Variants in RHEX observed in about 807,000 individuals in gnomAD.
RHEX encodes regulator of hemoglobinization and erythroid cell expansion, also known as regulator of hemoglobinization and erythroid cell expansion protein.
In RHEX, 18 loss-of-function variants were observed where a neutral mutation model predicts 20.1. The observed-to-expected ratio is 0.90, with a 90% CI of 0.62 to 1.33. RHEX has a LOEUF of 1.33. Among genes scored for constraint, RHEX ranks in the 40% most tolerant of loss-of-function variants. The pLI, the probability that RHEX is intolerant of heterozygous loss-of-function variation, is 0.00. For missense variants in RHEX, 192 were observed against 214.3 expected, an observed-to-expected ratio of 0.90 and a Z score of 0.65; for synonymous variants, 87 against 77.1, an observed-to-expected ratio of 1.13 and a Z score of -0.67.
At chr1:206,084,285 T>C (rs782267034) in intron 1 of RHEX, among the ~76,000 whole-genome samples, 48 of 152,280 alleles carry the variant, frequency 3.2e-4, no homozygotes, top group South Asian at 2.1e-4. Context: ...TGCCAGCATC[T>C]GGACAAGGAA....
rs557461739 is a variant in RHEX, at chr1:206,092,871, A to G, written c.-96-4862A>G. 2.0e-5 allele frequency among the ~76,000 whole-genome samples: 3 copies of G among 152,336 alleles called. No homozygotes were observed. In the East Asian group the frequency reaches 5.8e-4, roughly 29 times the overall value. The stretch of plus-strand genomic sequence containing the variant: ...GCTGAATGTTACAAAATGGAAATAA[A>G]GATTTTTTTATTTTTAAATTTTCCA... On this transcript the variant is annotated intron_variant, in intron 1 of 5. Transcript: ENST00000331555.
chr1:206,088,124 T>C (rs1662873390), intron 1 of RHEX, among the ~76,000 whole-genome samples: 2 of 152,050 alleles, frequency 1.3e-5, no homozygotes, highest in African/African-American at 4.8e-5. Flanking sequence ...TTATTTTTTA[T>C]TAACTAATTA....
chr1:206,070,355 A>C (rs559697251), intron 1 of RHEX, among the ~76,000 whole-genome samples: 7 of 152,304 alleles, frequency 4.6e-5, no homozygotes, highest in Non-Finnish European at 8.8e-5. Flanking sequence ...CTTTTCCAGA[A>C]GATTCTCAGG....
intron 1 of RHEX, among the ~76,000 whole-genome samples, chr1:206,079,842 C>T (rs1553285643): frequency 2.0e-5 from 3 of 152,202 alleles, no homozygotes; most frequent in South Asian, 2.1e-4. Flanking sequence ...CCTGAGCCAC[C>T]GTGCCCCACC....
At chr1:206,086,610 A>G (rs1418534987) in intron 1 of RHEX, among the ~76,000 whole-genome samples, 2 of 152,262 alleles carry the variant, frequency 1.3e-5, no homozygotes, top group African/African-American at 4.8e-5. Context: ...GAACAATAGT[A>G]TCTACCTCAT....
intron 1 of RHEX, among the ~76,000 whole-genome samples, chr1:206,093,946 T>C (rs1395829777): frequency 6.6e-6 from 1 of 152,080 alleles, no homozygotes; most frequent in Non-Finnish European, 1.5e-5. Flanking sequence ...CCCAAAGTGC[T>C]GAGATTACAA....
chr1:206,056,730 A>C (rs1452375383), intron 1 of RHEX, among the ~76,000 whole-genome samples: 2 of 152,248 alleles, frequency 1.3e-5, no homozygotes, highest in Non-Finnish European at 2.9e-5. Context: ...GTAACCTTAA[A>C]ATTTGACACT....
intron 1 of RHEX, among the ~76,000 whole-genome samples, chr1:206,070,564 A>G (rs1167596603): frequency 6.6e-6 from 1 of 152,228 alleles, no homozygotes; most frequent in African/African-American, 2.4e-5. Context: ...GTGTCTGGAA[A>G]TGAGGCTCAC....
Position 206,099,752 on chromosome 1 carries a change from GACT to G in RHEX, c.211_213del (p.Thr71del), listed in dbSNP as rs1663149498. ...CACCTGCTGTCAAAGAGATGAAGGA[GACT>G]CAGACAGAGAGAGACATCCCAATGT... is the stretch of plus-strand genomic sequence containing the variant. On this transcript the variant is annotated inframe_deletion, in exon 4 of 6. Transcript: ENST00000331555. 1 of 1,614,038 alleles carries G rather than the reference GACT, an allele frequency of 6.2e-7. No homozygotes were observed. Among genetic ancestry groups the G allele is most frequent in the Non-Finnish European group, 8.5e-7 (1 of 1,180,002 alleles).
At chr1:206,066,559 G>C (rs530898487) in intron 1 of RHEX, among the ~76,000 whole-genome samples, 49 of 152,234 alleles carry the variant, frequency 3.2e-4, no homozygotes, top group Non-Finnish European at 4.7e-4. Flanking sequence ...CAAGTTTGCA[G>C]TGAGCTGAGA....
intron 1 of RHEX, among the ~76,000 whole-genome samples, chr1:206,090,674 C>G (rs1257996826): frequency 2.6e-5 from 4 of 152,074 alleles, no homozygotes; most frequent in Admixed American, 2.6e-4. Context: ...GTTACAGCTT[C>G]TCAACCTGAA....
At chr1:206,073,494 T>C (rs1459008513) in intron 1 of RHEX, among the ~76,000 whole-genome samples, 1 of 152,186 alleles carries the variant, frequency 6.6e-6, no homozygotes, top group East Asian at 1.9e-4. Flanking sequence ...TTATCATCTC[T>C]AAGAAGTGGA....
chr1:206,083,850 A>C (rs1438424336), intron 1 of RHEX, among the ~76,000 whole-genome samples: 4 of 152,194 alleles, frequency 2.6e-5, no homozygotes, highest in African/African-American at 9.6e-5. Flanking sequence ...CTGAGACCTG[A>C]CATCTGTCTA....
intron 1 of RHEX, among the ~76,000 whole-genome samples, chr1:206,092,010 T>C (rs1374707892): frequency 6.6e-6 from 1 of 152,120 alleles, no homozygotes; most frequent in Admixed American, 6.6e-5. Context: ...TGATAATGCT[T>C]CTAATTTATT....
chr1:206,086,866 G>T (rs1183832338), intron 1 of RHEX, among the ~76,000 whole-genome samples: 3 of 151,956 alleles, frequency 2.0e-5, no homozygotes, highest in Non-Finnish European at 2.9e-5. Context: ...AATTAGCCAG[G>T]CATGGTGGTA....
Position 206,101,861 on chromosome 1 carries a change from A to G in RHEX, c.428A>G (p.Asn143Ser). ...ATAAAGGAAATCACAGATTATGTCA[A>G]TGTCAATCCAGAAAGACACAAGCCC... ...ENIKEITDYVNVNPERHKPSF... is the reference protein window; with the variant it reads ...ENIKEITDYVSVNPERHKPSF... Residue 143 changes from asparagine (N) to serine (S), a missense_variant, in exon 6 of 6, where the codon AAT (asparagine) becomes AGT (serine). Coordinates refer to ENST00000331555, the MANE Select transcript of RHEX (RefSeq NM_001007544.4). 1.9e-6 allele frequency: 3 copies of G among 1,614,006 alleles called. No homozygotes were observed. The highest frequency in any genetic ancestry group is 1.6e-4 in the Middle Eastern group (1 of 6,062).
chr1:206,090,868 G>A (rs2102325215), intron 1 of RHEX, among the ~76,000 whole-genome samples: 1 of 152,034 alleles, frequency 6.6e-6, no homozygotes, highest in South Asian at 2.1e-4. Context: ...AGAATAGCTG[G>A]TAATTTTAGA....
chr1:206,068,689 T>C (rs1190402672), intron 1 of RHEX, among the ~76,000 whole-genome samples: 2 of 152,186 alleles, frequency 1.3e-5, no homozygotes, highest in Admixed American at 1.3e-4. Flanking sequence ...TGTATATAAA[T>C]CTTAATGGAT....
intron 1 of RHEX, among the ~76,000 whole-genome samples, chr1:206,069,908 C>T (rs535455039): frequency 2.0e-5 from 3 of 152,068 alleles, no homozygotes; most frequent in East Asian, 1.9e-4. Context: ...GCTTAGAGGA[C>T]GGACAAATAA....
Sources: allele counts gnomAD v4.1 joint callset (sites outside exome capture counted in the v4.1 genomes callset), GRCh38; gene constraint gnomAD v4.1.1; transcripts MANE v1.5; gene names NCBI Gene and HGNC (gene_info 2026-07-23, HGNC 2026-07-21).